The following KLF12 variants were observed in gnomAD, a reference collection of about 807,000 sequenced individuals.
KLF12 encodes the protein Krueppel-like factor 12.
A neutral mutation model predicts 37.8 loss-of-function variants in KLF12; 9 were observed. The ratio of observed to expected loss-of-function variants is 0.24; its 90% confidence interval spans 0.14 to 0.42. The LOEUF is 0.42. Ranked by LOEUF, KLF12 falls within the 10% of genes least tolerant of loss-of-function variation. The pLI is 1.00. For synonymous variants in KLF12, 208 were observed against 202.1 expected (o/e 1.03, Z -0.25); for missense variants, 411 against 516.0 (o/e 0.80, Z 1.97).
rs1884982318 is a variant in KLF12 at position 73,845,857 on chromosome 13, G to A, written c.640C>T (p.Leu214Phe). 9 of 1,613,836 alleles carry A rather than the reference G, an allele frequency of 5.6e-6. No homozygotes were observed. Among genetic ancestry groups the A allele is most frequent in the Non-Finnish European group, 7.6e-6 (9 of 1,179,880 alleles). Residue 214 changes from leucine to phenylalanine, a missense_variant, in exon 4 of 8, where the codon CTT (leucine) becomes TTT (phenylalanine). Physicochemically the swap from Leu to Phe is conservative, Grantham distance 22. This residue lies in a region of KLF12 where 351 missense variants were observed against 397.8 expected (regional missense o/e 0.88). Transcript: ENST00000377669. The stretch of plus-strand genomic sequence containing the variant: ...CCATGGCCTCTCCCATCCTCCAAAA[G>A]CGGCACGACAATAGTGTTGTTCACA...
At chr13:73,779,038 C>T (rs952983255) in intron 5 of KLF12, among the ~76,000 whole-genome samples, 1 of 152,140 alleles carries the variant, frequency 6.6e-6, no homozygotes, top group Non-Finnish European at 1.5e-5. Flanking sequence ...TCTAATTTAT[C>T]AATACACAGC....
intron 1 of KLF12, among the ~76,000 whole-genome samples, chr13:74,007,668 T>A (rs559450522): frequency 6.6e-6 from 1 of 152,268 alleles, no homozygotes; most frequent in East Asian, 1.9e-4. Flanking sequence ...AACATTAGTT[T>A]AAAACAAAAT....
At chr13:73,850,757 T>C (rs1369497895) in intron 3 of KLF12, among the ~76,000 whole-genome samples, 2 of 152,244 alleles carry the variant, frequency 1.3e-5, no homozygotes, top group Non-Finnish European at 2.9e-5. Context: ...GCTATCTATC[T>C]ATCCTTTCAG....
the KLF12 span, among the ~76,000 whole-genome samples, chr13:74,165,193 T>C: frequency 2.6e-5 from 4 of 151,794 alleles, no homozygotes. Context: ...AGTGTACCCA[T>C]AAAAATTAAA....
rs1415743569 is a variant in KLF12 at position 73,690,800 on chromosome 13, G to GT, written c.*4689dup. 6.6e-6 allele frequency: 1 copy of GT among 152,596 alleles called. No homozygotes were observed. The highest frequency in any genetic ancestry group is 1.5e-5 in the Non-Finnish European group (1 of 68,028). The allele number at this position is 152,596 out of a possible 1,614,324, so 9.5% of individuals were successfully genotyped here. ...TTTACAACCTCTGTAAAATTTGTGAGTTTGAAAATACTTTTTCCACTATCA... is the reference window on the plus strand; with the variant it reads ...TTTACAACCTCTGTAAAATTTGTGAGTTTTGAAAATACTTTTTCCACTATCA... On this transcript the variant is annotated 3_prime_UTR_variant, in exon 8 of 8. Transcript: ENST00000377669.
the KLF12 span, among the ~76,000 whole-genome samples, chr13:74,267,864 G>A: frequency 6.6e-6 from 1 of 152,044 alleles, no homozygotes; most frequent in African/African-American, 2.4e-5. Context: ...CAATTATTAT[G>A]ATTAATTTTT....
chr13:74,058,549 G>A (rs1194524375), intron 1 of KLF12, among the ~76,000 whole-genome samples: 1 of 150,358 alleles, frequency 6.7e-6, no homozygotes, highest in Non-Finnish European at 1.5e-5. Context: ...GTAGAGATGG[G>A]GTTTCACTGT....
the KLF12 span, among the ~76,000 whole-genome samples, chr13:74,237,433 T>C: frequency 1.0e-4 from 14 of 136,916 alleles, no homozygotes; most frequent in South Asian, 3.1e-3. Context: ...GGGCTCTTTT[T>C]TGGTTCCATA....
At chr13:74,070,931 A>T (rs193115494) in intron 1 of KLF12, among the ~76,000 whole-genome samples, 1 of 152,240 alleles carries the variant, frequency 6.6e-6, no homozygotes, top group African/African-American at 2.4e-5. Context: ...TCCAACAGTC[A>T]CTATGAACAA....
At chr13:73,868,261 G>A (rs529884864) in intron 3 of KLF12, among the ~76,000 whole-genome samples, 58 of 118,678 alleles carry the variant, frequency 4.9e-4, no homozygotes, top group Non-Finnish European at 9.0e-4. Flanking sequence ...GCGGTGAGCC[G>A]AGATGGTACT....
rs903418095 is a variant in KLF12, at chr13:73,825,287, C to T, written c.671-12000G>A. Among the ~76,000 whole-genome samples the T allele has an allele frequency of 2.0e-5, 3 of 152,252 alleles. No homozygotes were observed. In the East Asian group the frequency reaches 5.8e-4, roughly 29 times the overall value. On this transcript the variant is annotated intron_variant, in intron 4 of 7. Transcript: ENST00000377669. Reference sequence around the variant, plus strand: ...GGAGTTTGTTTGGTCAGACCACTTCCTGAGCCCAGGAACTCAAGGCTCTGG... The same window carrying T: ...GGAGTTTGTTTGGTCAGACCACTTCTTGAGCCCAGGAACTCAAGGCTCTGG...
chr13:73,948,139 T>A (rs948013306), intron 2 of KLF12, among the ~76,000 whole-genome samples: 8 of 152,124 alleles, frequency 5.3e-5, no homozygotes, highest in African/African-American at 1.9e-4. Flanking sequence ...CTGCCCCACA[T>A]CTACATTATG....
At chr13:73,743,468 G>C (rs1343795168) in intron 6 of KLF12, among the ~76,000 whole-genome samples, 2 of 152,128 alleles carry the variant, frequency 1.3e-5, no homozygotes, top group African/African-American at 4.8e-5. Context: ...CTGAGATCCT[G>C]AAAGCACCGT....
At chr13:73,973,330 C>T (rs1891398355) in intron 2 of KLF12, among the ~76,000 whole-genome samples, 1 of 152,200 alleles carries the variant, frequency 6.6e-6, no homozygotes, top group South Asian at 2.1e-4. Context: ...GCGGTAGCTT[C>T]CTGCCATTCT....
rs1342660950 is a variant in KLF12 at position 74,133,751 on chromosome 13, T to C, written c.-44A>G. Reference sequence around the variant, plus strand: ...AATCGGCACAGACCTGAACAGAAGCTGCAGAGCAGGAGAAATTGTTTTCTT... The same window carrying C: ...AATCGGCACAGACCTGAACAGAAGCCGCAGAGCAGGAGAAATTGTTTTCTT... On this transcript the variant is annotated 5_prime_UTR_variant, in exon 1 of 8. Coordinates refer to ENST00000377669, the MANE Select transcript of KLF12 (RefSeq NM_007249.5). Among the ~76,000 whole-genome samples the C allele has an allele frequency of 6.6e-6, 1 of 151,322 alleles. No individual in the cohort carries two copies. Among genetic ancestry groups the C allele is most frequent in the African/African-American group, 2.4e-5 (1 of 41,132 alleles).
At chr13:73,969,698 G>A (rs1217144438) in intron 2 of KLF12, among the ~76,000 whole-genome samples, 5 of 152,106 alleles carry the variant, frequency 3.3e-5, no homozygotes, top group African/African-American at 1.2e-4. Context: ...CCCAGTCCCT[G>A]GGATACTGCT....
At chr13:74,148,080 T>A in the KLF12 span, among the ~76,000 whole-genome samples, 3 of 151,730 alleles carry the variant, frequency 2.0e-5, no homozygotes, top group Non-Finnish European at 4.4e-5. Context: ...CCCAGCTAAT[T>A]TATTTTTTGT....
intron 1 of KLF12, 28 bp from the exon 2 acceptor site, chr13:73,995,081 TGAGA>T (rs1440859367): frequency 1.3e-6 from 2 of 1,489,240 alleles, no homozygotes; most frequent in South Asian, 1.2e-5. Context: ...AGACAAATGA[TGAGA>T]GAAAGTTCTA....
Position 73,968,538 on chromosome 13 carries a change from C to T in KLF12, c.34-24468G>A, listed in dbSNP as rs1593792122. Among the ~76,000 whole-genome samples the T allele has an allele frequency of 3.9e-5, 6 of 152,202 alleles. 1 individual carries two copies. The highest frequency in any genetic ancestry group is 1.9e-4 in the East Asian group (1 of 5,178). On this transcript the variant is annotated intron_variant, in intron 2 of 7. Coordinates refer to ENST00000377669, the MANE Select transcript of KLF12 (RefSeq NM_007249.5). ...CGAAGAAGAGAATCTGTGTATCTTT[C>T]GTCGTCATCTATGCTTGTCAGCAAA...
Sources: gnomAD v4.1 joint callset for allele counts (sites outside exome capture counted in the v4.1 genomes callset) on GRCh38, gnomAD v4.1.1 for gene constraint, gnomAD v4.1.1 regional missense constraint, MANE v1.5 for transcripts, NCBI Gene and HGNC (gene_info 2026-07-23, HGNC 2026-07-21) for gene names.